The following STK38L variants were observed in gnomAD, a reference collection of about 807,000 sequenced individuals.
STK38L encodes the protein serine/threonine kinase 38 like.
A neutral mutation model predicts 59.7 loss-of-function variants in STK38L; 28 were observed. The observed-to-expected ratio is 0.47, with a 90% CI of 0.35 to 0.64. The LOEUF is 0.64. Among genes scored for constraint, STK38L ranks in the 30% least tolerant of loss-of-function variants. The pLI is 0.01. For missense variants in STK38L, 314 were observed against 555.8 expected (o/e 0.56, Z 4.37); for synonymous variants, 162 against 176.8 (o/e 0.92, Z 0.66).
intron 1 of STK38L, among the ~76,000 whole-genome samples, chr12:27,277,961 GT>G (rs1209446669): frequency 6.6e-6 from 1 of 152,152 alleles, no homozygotes; most frequent in Non-Finnish European, 1.5e-5. Flanking sequence ...ACTGGGTGGA[GT>G]TTTTATGGAT....
chr12:27,263,755 A>G (rs1218230143), intron 1 of STK38L, among the ~76,000 whole-genome samples: 1 of 152,246 alleles, frequency 6.6e-6, no homozygotes, highest in Non-Finnish European at 1.5e-5. Flanking sequence ...TTTGGGGGAC[A>G]GAATAAGGCG....
chr12:27,257,983 T>C lies in STK38L; in HGVS notation c.-12+13651T>C, dbSNP rs143245364. Among the ~76,000 whole-genome samples, 125 of 151,808 alleles carry C rather than the reference T, an allele frequency of 8.2e-4. 1 individual carries two copies. Among genetic ancestry groups the C allele is most frequent in the African/African-American group, 2.9e-3 (120 of 41,430 alleles). On this transcript the variant is annotated intron_variant, in intron 1 of 13. Coordinates refer to ENST00000389032, the MANE Select transcript of STK38L (RefSeq NM_015000.4). ...TTCAAGTGATTCTCCTGCCTCAGCC[T>C]CCCAAGTTGCTGGGATGACAGGCGA...
intron 1 of STK38L, among the ~76,000 whole-genome samples, chr12:27,257,600 C>G (rs10506016): frequency 0.087 from 13,206 of 152,152 alleles, 1,103 homozygotes; most frequent in East Asian, 0.4. Flanking sequence ...AATTCCATCA[C>G]TCTATTTGAT....
chr12:27,256,732 A>T (rs1198929633), intron 1 of STK38L, among the ~76,000 whole-genome samples: 1 of 152,226 alleles, frequency 6.6e-6, no homozygotes, highest in African/African-American at 2.4e-5. Flanking sequence ...TTCTCATCTC[A>T]GAATTAGAGA....
chr12:27,244,793 G>A (rs1208966291), intron 1 of STK38L, among the ~76,000 whole-genome samples: 1 of 152,120 alleles, frequency 6.6e-6, no homozygotes, highest in Admixed American at 6.6e-5. Context: ...AAACTGATGC[G>A]TCAGATTGCC....
At chr12:27,272,272 G>A (rs565887628) in intron 1 of STK38L, among the ~76,000 whole-genome samples, 6 of 152,296 alleles carry the variant, frequency 3.9e-5, no homozygotes, top group South Asian at 2.1e-4. Flanking sequence ...TATCCATTCC[G>A]TTTTGAGTAG....
intron 4 of STK38L, 30 bp from the exon 5 acceptor site, chr12:27,309,082 CTG>C: frequency 1.4e-6 from 2 of 1,471,542 alleles, no homozygotes; most frequent in South Asian, 2.9e-5. Flanking sequence ...ATAGTAGTGA[CTG>C]TTTTATAATA....
chr12:27,264,064 G>C (rs1943255348), intron 1 of STK38L, among the ~76,000 whole-genome samples: 1 of 152,174 alleles, frequency 6.6e-6, no homozygotes, highest in African/African-American at 2.4e-5. Context: ...TGAGGGAGGA[G>C]ACTGGTGAAT....
At chr12:27,307,884 A>C (rs1237974041) in intron 3 of STK38L, among the ~76,000 whole-genome samples, 1 of 152,224 alleles carries the variant, frequency 6.6e-6, no homozygotes, top group Non-Finnish European at 1.5e-5. Context: ...TTCTACCACA[A>C]GTAAATCTCT....
At chr12:27,268,837 T>G (rs1213357577) in intron 1 of STK38L, among the ~76,000 whole-genome samples, 3 of 152,186 alleles carry the variant, frequency 2.0e-5, no homozygotes, top group African/African-American at 7.2e-5. Context: ...GGTATCTCAT[T>G]GTGGTTTTGA....
At chr12:27,255,410 G>A (rs1943071341) in intron 1 of STK38L, among the ~76,000 whole-genome samples, 1 of 152,172 alleles carries the variant, frequency 6.6e-6, no homozygotes, top group African/African-American at 2.4e-5. Flanking sequence ...ATATTGGACT[G>A]ACAAAGCCAA....
intron 1 of STK38L, among the ~76,000 whole-genome samples, chr12:27,250,142 T>G (rs576387888): frequency 6.6e-6 from 1 of 152,356 alleles, no homozygotes; most frequent in African/African-American, 2.4e-5. Flanking sequence ...AAATTGAGTT[T>G]GGGACAGAGA....
chr12:27,301,966 G>A (rs889171969), intron 2 of STK38L, among the ~76,000 whole-genome samples, 171 bp from the exon 3 acceptor site: 5 of 151,096 alleles, frequency 3.3e-5, no homozygotes, highest in African/African-American at 1.2e-4. Flanking sequence ...ATCTGGGTTT[G>A]TTTTTTGAGA....
chr12:27,250,319 A>G (rs1447215988), intron 1 of STK38L, among the ~76,000 whole-genome samples: 2 of 152,212 alleles, frequency 1.3e-5, no homozygotes, highest in Non-Finnish European at 2.9e-5. Flanking sequence ...TTCCTCACCA[A>G]TTCAAGAGAC....
chr12:27,316,233 G>A (rs1944581763), intron 9 of STK38L, among the ~76,000 whole-genome samples: 1 of 152,086 alleles, frequency 6.6e-6, no homozygotes, highest in South Asian at 2.1e-4. Context: ...AAACATTTCA[G>A]TATTTTTAAA....
At chr12:27,273,935 G>T (rs1475496101) in intron 1 of STK38L, among the ~76,000 whole-genome samples, 4 of 152,108 alleles carry the variant, frequency 2.6e-5, no homozygotes, top group African/African-American at 9.7e-5. Context: ...CTGACTGATT[G>T]CTTCTCTCTG....
At chr12:27,275,870 A>G (rs1162858943) in intron 1 of STK38L, among the ~76,000 whole-genome samples, 1 of 152,216 alleles carries the variant, frequency 6.6e-6, no homozygotes, top group East Asian at 1.9e-4. Flanking sequence ...AATAATCATG[A>G]TATGGCTAAA....
rs1369622401 is a variant in STK38L at position 27,314,613 on chromosome 12, C to T, written c.627C>T (p.Phe209=). 1.9e-6 allele frequency: 3 copies of T among 1,608,786 alleles called. No individual in the cohort carries two copies. The highest frequency in any genetic ancestry group is 1.1e-5 in the South Asian group (1 of 90,324). Residue 209 remains phenylalanine (F), a synonymous_variant, in exon 7 of 14, where the codon TTC becomes TTT. Transcript: ENST00000389032. The stretch of plus-strand genomic sequence containing the variant: ...TAGATGCGATCCACCAGTTGGGTTT[C>T]ATCCATCGGGATATTAAGCCAGACA... ...LAIDAIHQLG[F]IHRDIKPDNL...
chr12:27,307,671 C>T (rs1944350325), intron 3 of STK38L, among the ~76,000 whole-genome samples: 1 of 152,180 alleles, frequency 6.6e-6, no homozygotes, highest in Admixed American at 6.5e-5. Context: ...AAATAAATAC[C>T]TGTTCCAAAT....
Sources: allele counts gnomAD v4.1 joint callset (sites outside exome capture counted in the v4.1 genomes callset), GRCh38; gene constraint gnomAD v4.1.1; transcripts MANE v1.5; gene names NCBI Gene and HGNC (gene_info 2026-07-23, HGNC 2026-07-21).